Variants in PRMT8 observed in about 807,000 individuals in gnomAD.
PRMT8 encodes protein arginine methyltransferase 8.
PRMT8 carries 7 observed loss-of-function variants against 47.1 expected under a neutral mutation model. The observed-to-expected ratio is 0.15, with a 90% confidence interval of 0.08 to 0.28. The LOEUF is 0.28. PRMT8 is among the 10% of genes least tolerant of loss of function. The pLI is 1.00. For missense variants in PRMT8, 237 were observed against 505.4 expected, an observed-to-expected ratio of 0.47 and a Z score of 5.09; for synonymous variants, 188 against 186.5, an observed-to-expected ratio of 1.01 and a Z score of -0.07.
At chr12:3,458,377 C>T (rs536405312) in intron 1 of PRMT8, among the ~76,000 whole-genome samples, 2 of 152,334 alleles carry the variant, frequency 1.3e-5, no homozygotes, top group Non-Finnish European at 2.9e-5. Context: ...CAGAGCTGTG[C>T]AGCAGGTCCA....
chr12:3,409,444 C>T lies in PRMT8; in HGVS notation c.48+28002C>T, dbSNP rs1274183146. On this transcript the variant is annotated intron_variant, in intron 1 of 9. Transcript: ENST00000452611. The surrounding 1 kb of genome is among the most constrained non-coding windows in gnomAD (Gnocchi z 4.4). ...TGGTGGGACATGCCAGTATCTGAGG[C>T]TCGGCAAGATAGCAAGGACCCCTGG... is the stretch of plus-strand genomic sequence containing the variant. Among the ~76,000 whole-genome samples the T allele has an allele frequency of 6.6e-6, 1 of 152,116 alleles. No individual in the cohort carries two copies. The highest frequency in any genetic ancestry group is 1.5e-5 in the Non-Finnish European group (1 of 68,008).
intron 1 of PRMT8, among the ~76,000 whole-genome samples, chr12:3,468,735 T>A (rs1865131356): frequency 6.6e-6 from 1 of 152,194 alleles, no homozygotes; most frequent in South Asian, 2.1e-4. Context: ...ACCTTAGCCA[T>A]TGAGAAAATA....
At chr12:3,560,477 CTT>C in intron 4 of PRMT8, among the ~76,000 whole-genome samples, 1 of 152,326 alleles carries the variant, frequency 6.6e-6, no homozygotes, top group East Asian at 1.9e-4. Flanking sequence ...AGTGACTCCT[CTT>C]TGACTTAAGC....
At chr12:3,593,000 C>T (rs1166188179) in intron 9 of PRMT8, 99 bp from the exon 10 acceptor site, 2 of 897,748 alleles carry the variant, frequency 2.2e-6, no homozygotes, top group Non-Finnish European at 1.8e-6. Flanking sequence ...CTGGTGCTAC[C>T]CATCCCTGTG....
At chr12:3,446,769 G>C (rs1208147073) in intron 1 of PRMT8, among the ~76,000 whole-genome samples, 1 of 152,210 alleles carries the variant, frequency 6.6e-6, no homozygotes, top group African/African-American at 2.4e-5. Flanking sequence ...ATTACCATCA[G>C]AAAATGTTCC....
intron 1 of PRMT8, among the ~76,000 whole-genome samples, chr12:3,384,201 T>C (rs1401001796): frequency 6.6e-6 from 1 of 151,958 alleles, no homozygotes; most frequent in African/African-American, 2.4e-5. Flanking sequence ...ATGTGAGCTG[T>C]AAATATTTTT....
chr12:3,484,512 A>G lies in PRMT8; in HGVS notation c.49-56094A>G, dbSNP rs575989014. On this transcript the variant is annotated intron_variant, in intron 1 of 9. Coordinates refer to the PRMT8 transcript ENST00000452611. ...AAATACGGTCTTTTAGGACGAGCTG[A>G]AGAAAAGGAAACTCACCTGTGTTAA... 2.6e-5 allele frequency among the ~76,000 whole-genome samples: 4 copies of G among 152,302 alleles called. No homozygotes were observed. In the East Asian group the frequency reaches 7.7e-4, roughly 29 times the overall value.
chr12:3,496,214 A>ATATATTTTTTTTTTTTTTTTTTTTTT, intron 1 of PRMT8, among the ~76,000 whole-genome samples: 1 of 27,756 alleles, frequency 3.6e-5, no homozygotes, highest in Non-Finnish European at 7.9e-5. Flanking sequence ...ATATATATAT[A>ATATATTTTTTTTTTTTTTTTTTTTTT]TTTTTTTTTT....
upstream of PRMT8, among the ~76,000 whole-genome samples, chr12:3,487,670 A>G: frequency 6.6e-6 from 1 of 152,178 alleles, no homozygotes; most frequent in South Asian, 2.1e-4. Flanking sequence ...AACCTTTGTA[A>G]TTGTAACCCT....
At chr12:3,524,496 G>A (rs998020953) in intron 1 of PRMT8, among the ~76,000 whole-genome samples, 17 of 152,064 alleles carry the variant, frequency 1.1e-4, no homozygotes, top group African/African-American at 3.9e-4. Flanking sequence ...TCTAAGATGA[G>A]TTTACTAGCC....
Position 3,569,447 on chromosome 12 carries a change from G to A in PRMT8, c.625-30G>A, listed in dbSNP as rs760341840. ...TGTCTTTGTCAGGTGAATAGATTAC[G>A]AGACCCATTTCCCCACAATTCATCA... On this transcript the variant is annotated intron_variant, in intron 5 of 9. Coordinates refer to ENST00000382622, the MANE Select transcript of PRMT8 (RefSeq NM_019854.5). This position sits in a 1 kb window ranked among gnomAD's most constrained non-coding sequence, Gnocchi z 8.2. 79 of 1,576,976 alleles carry A rather than the reference G, an allele frequency of 5.0e-5. No individual in the cohort carries two copies. The highest frequency in any genetic ancestry group is 1.7e-4 in the Middle Eastern group (1 of 5,994).
chr12:3,424,368 C>T (rs1751094756), intron 1 of PRMT8, among the ~76,000 whole-genome samples: 2 of 152,042 alleles, frequency 1.3e-5, no homozygotes, highest in African/African-American at 4.8e-5. Flanking sequence ...ATTTTTTATC[C>T]AAGTGGCGCA....
chr12:3,569,653 C>A lies in PRMT8; in HGVS notation c.712+89C>A. On this transcript the variant is annotated intron_variant, in intron 6 of 9. Transcript: ENST00000382622. The surrounding 1 kb of genome is among the most constrained non-coding windows in gnomAD (Gnocchi z 8.2). ...TGGGCCCGAGATGAGCAGGCAGTGACATGAACACCATTGCTGTCCCTGAAG... is the reference window on the plus strand; with the variant it reads ...TGGGCCCGAGATGAGCAGGCAGTGAAATGAACACCATTGCTGTCCCTGAAG... The A allele has an allele frequency of 1.0e-6, 1 of 999,108 alleles. No individual in the cohort carries two copies. Among genetic ancestry groups the A allele is most frequent in the Non-Finnish European group, 1.6e-6 (1 of 621,984 alleles). 61.9% of individuals were successfully genotyped at this position (999,108 alleles called of 1,614,324 possible).
chr12:3,521,923 A>G (rs1865886034), intron 1 of PRMT8, among the ~76,000 whole-genome samples: 1 of 4,624 alleles, frequency 2.2e-4, no homozygotes, highest in African/African-American at 2.3e-4. Context: ...AAACAATGGG[A>G]GCGACTTTAA....
At chr12:3,536,407 G>T (rs1866118562) in intron 1 of PRMT8, among the ~76,000 whole-genome samples, 1 of 152,196 alleles carries the variant, frequency 6.6e-6, no homozygotes, top group South Asian at 2.1e-4. Context: ...GCACACGGCA[G>T]ACACTTCATA....
chr12:3,434,968 C>CTT (rs398044252), intron 1 of PRMT8, among the ~76,000 whole-genome samples: 6,620 of 130,624 alleles, frequency 0.051, 220 homozygotes, highest in Middle Eastern at 0.097. Flanking sequence ...TTGCTTTGCT[C>CTT]TTTTTTTTTT....
At chr12:3,420,883 G>T (rs550349664) in intron 1 of PRMT8, among the ~76,000 whole-genome samples, 13 of 152,198 alleles carry the variant, frequency 8.5e-5, no homozygotes, top group African/African-American at 1.7e-4. Flanking sequence ...TGGAGCTGGG[G>T]CTGCTTCAGT....
At position 3,436,918 on chromosome 12, in the gene PRMT8, A is replaced by G. The variant is rs1591549670; in HGVS notation, c.48+55476A>G. On this transcript the variant is annotated intron_variant, in intron 1 of 9. Coordinates refer to the PRMT8 transcript ENST00000452611. The surrounding 1 kb of genome is among the most constrained non-coding windows in gnomAD (Gnocchi z 4.2). The stretch of plus-strand genomic sequence containing the variant: ...CCCAGCTGGTGGGGTGTCCCAGTGG[A>G]TGGCGAGAGTTTGGTAGGTTCAATT... Among the ~76,000 whole-genome samples the G allele has an allele frequency of 6.6e-6, 1 of 152,204 alleles. No individual in the cohort carries two copies. The highest frequency in any genetic ancestry group is 1.5e-5 in the Non-Finnish European group (1 of 68,024).
At position 3,508,055 on chromosome 12, in the gene PRMT8, T is replaced by C. The variant is rs1865657160; in HGVS notation, c.75+16355T>C. On this transcript the variant is annotated intron_variant, in intron 1 of 9. Transcript: ENST00000382622. The surrounding 1 kb of genome is among the most constrained non-coding windows in gnomAD (Gnocchi z 4.9). ...CTGTGGGATTATAAATCCCATTTTA[T>C]AGGCTGGCCATGAGGATTACATTTG... Among the ~76,000 whole-genome samples, 2 of 152,236 alleles carry C rather than the reference T, an allele frequency of 1.3e-5. No individual in the cohort carries two copies. The highest frequency in any genetic ancestry group is 2.9e-5 in the Non-Finnish European group (2 of 68,038).
Sources: gnomAD v4.1 joint callset for allele counts (sites outside exome capture counted in the v4.1 genomes callset) on GRCh38, gnomAD v4.1.1 for gene constraint, Gnocchi (gnomAD v3.1) non-coding constraint, MANE v1.5 for transcripts, NCBI Gene and HGNC (gene_info 2026-07-23, HGNC 2026-07-21) for gene names.